RAB30: variants seen among roughly 807,000 people sequenced by gnomAD.
RAB30 encodes the protein RAB30, member RAS oncogene family, also known as ras-related protein Rab-30.
RAB30 carries 9 observed loss-of-function variants against 25.1 expected under a neutral mutation model. The ratio of observed to expected loss-of-function variants is 0.36; its 90% CI spans 0.22 to 0.63. The LOEUF is 0.63. Among genes scored for constraint, RAB30 ranks in the 20% least tolerant of loss-of-function variants. RAB30 has a pLI of 0.69. For missense variants in RAB30, 140 were observed against 243.5 expected, an observed-to-expected ratio of 0.58 and a Z score of 2.83; for synonymous variants, 77 against 86.4, an observed-to-expected ratio of 0.89 and a Z score of 0.60.
intron 1 of RAB30, among the ~76,000 whole-genome samples, chr11:83,057,663 C>A (rs1858484956): frequency 1.3e-5 from 2 of 152,092 alleles, no homozygotes. Context: ...GGACCATTAC[C>A]CCTAGCTTTC....
At chr11:83,017,888 G>C (rs139061308) in intron 1 of RAB30, among the ~76,000 whole-genome samples, 87 of 152,322 alleles carry the variant, frequency 5.7e-4, no homozygotes, top group African/African-American at 2.0e-3. Flanking sequence ...CCTCTGGGTA[G>C]ATACCCAGTA....
In RAB30 at chr11:82,980,791, T is replaced by C. The variant is rs936262449; in HGVS notation, c.*1374A>G. 2.1e-5 allele frequency: 3 copies of C among 145,412 alleles called. No homozygotes were observed. Among genetic ancestry groups the C allele is most frequent in the Admixed American group, 6.9e-5 (1 of 14,428 alleles). 9.0% of individuals were successfully genotyped at this position (145,412 alleles called of 1,614,324 possible). A position where few individuals can be genotyped will look rare whatever the true frequency, so the allele number is the denominator to read the frequency against. ...AAGGCATATACACCTCCATTTGAAT[T>C]GGAGATTTGCAGTAACACAGGCATA... On this transcript the variant is annotated 3_prime_UTR_variant, in exon 5 of 5. Coordinates refer to ENST00000527633, the MANE Select transcript of RAB30 (RefSeq NM_001286060.2).
intron 3 of RAB30, among the ~76,000 whole-genome samples, chr11:82,993,162 T>G (rs1856892529): frequency 6.6e-6 from 1 of 152,230 alleles, no homozygotes; most frequent in Admixed American, 6.5e-5. Flanking sequence ...TTCCATCACC[T>G]TCCTCCTTTC....
chr11:83,070,528 AG>A (rs1225828642), intron 1 of RAB30, among the ~76,000 whole-genome samples: 1 of 152,084 alleles, frequency 6.6e-6, no homozygotes, highest in Non-Finnish European at 1.5e-5. Flanking sequence ...ACATTCCAAG[AG>A]GGGGTGTGGT....
chr11:82,982,209 C>T lies in RAB30; in HGVS notation c.568G>A (p.Glu190Lys), dbSNP rs1312691224. The change falls in exon 5 of 5, where the codon GAA (glutamate) becomes AAA (lysine). Residue 190 changes from glutamate (E) to lysine (K), a missense_variant. Coordinates refer to ENST00000527633, the MANE Select transcript of RAB30 (RefSeq NM_001286060.2). Reference protein sequence around the residue: ...VNNVSSPLPGEGKSISYLTCC... With the variant: ...VNNVSSPLPGKGKSISYLTCC... ...GTCAAATAGCTGATGCTTTTCCCTT[C>T]TCCAGGTAAGGGTGAGGATACATTG... is the stretch of plus-strand genomic sequence containing the variant. 1 of 1,614,240 alleles carries T rather than the reference C, an allele frequency of 6.2e-7. No individual in the cohort carries two copies. The highest frequency in any genetic ancestry group is 8.5e-7 in the Non-Finnish European group (1 of 1,180,038).
intron 1 of RAB30, among the ~76,000 whole-genome samples, chr11:83,054,301 C>T (rs988412296): frequency 4.6e-5 from 7 of 152,186 alleles, no homozygotes; most frequent in Non-Finnish European, 7.4e-5. Flanking sequence ...ATCTCTTTTA[C>T]GTCTCTTTCT....
chr11:83,041,967 G>C (rs1026720675), intron 1 of RAB30, among the ~76,000 whole-genome samples: 1 of 151,074 alleles, frequency 6.6e-6, no homozygotes, highest in Non-Finnish European at 1.5e-5. Flanking sequence ...GCTTGAACCC[G>C]GGAGGTGGAG....
intron 1 of RAB30, among the ~76,000 whole-genome samples, chr11:83,052,998 T>G (rs1312643287): frequency 1.3e-5 from 2 of 152,198 alleles, no homozygotes. Context: ...ATCTACCACC[T>G]CAGAGAGAAG....
chr11:82,994,117 A>G lies in RAB30; in HGVS notation c.99T>C (p.Leu33=). The change falls in exon 3 of 5, where the codon CTT becomes CTC. Residue 33 remains leucine, a synonymous_variant. Coordinates refer to ENST00000527633, the MANE Select transcript of RAB30 (RefSeq NM_001286060.2). The part of the protein sequence containing the change: ...TCLVRRFTQG[L]FPPGQGATIG... ...TTGTGGCTCCTTGACCTGGGGGGAA[A>G]AGACCCTGAAGAAGAAATAATAGAA... The G allele has an allele frequency of 3.1e-6, 5 of 1,600,422 alleles. No homozygotes were observed. Among genetic ancestry groups the G allele is most frequent in the Non-Finnish European group, 2.6e-6 (3 of 1,168,324 alleles).
intron 1 of RAB30, among the ~76,000 whole-genome samples, chr11:83,041,804 C>T (rs1288488686): frequency 6.6e-6 from 1 of 151,926 alleles, no homozygotes; most frequent in Non-Finnish European, 1.5e-5. Flanking sequence ...CTTTAGGAGG[C>T]TGAGCTGGGT....
chr11:83,032,023 C>T (rs12285071), intron 1 of RAB30, among the ~76,000 whole-genome samples: 6 of 152,072 alleles, frequency 3.9e-5, no homozygotes, highest in East Asian at 1.9e-4. Context: ...GCTGAAAGGA[C>T]GCCAAAGAAA....
At chr11:83,049,573 G>A (rs907891876) in intron 1 of RAB30, among the ~76,000 whole-genome samples, 14 of 151,692 alleles carry the variant, frequency 9.2e-5, no homozygotes, top group South Asian at 2.1e-4. Context: ...CTCAACCTGC[G>A]GGGCTCAAGC....
intron 1 of RAB30, among the ~76,000 whole-genome samples, chr11:83,014,699 A>T (rs1857394023): frequency 6.6e-6 from 1 of 151,194 alleles, no homozygotes; most frequent in Non-Finnish European, 1.5e-5. Flanking sequence ...AGAAAGAGAA[A>T]GGAAGGAAGG....
At chr11:83,011,055 T>C (rs550083216) in intron 1 of RAB30, among the ~76,000 whole-genome samples, 1 of 152,200 alleles carries the variant, frequency 6.6e-6, no homozygotes, top group African/African-American at 2.4e-5. Context: ...AAAGTAAAAA[T>C]GTGTTATGCT....
chr11:83,071,593 C>T (rs1362559625), intron 1 of RAB30, 98 bp downstream of exon 1: 1 of 152,216 alleles, frequency 6.6e-6, no homozygotes, highest in Non-Finnish European at 1.5e-5. Flanking sequence ...CAATCCCCCC[C>T]ACCTCCCCAC....
chr11:83,013,214 G>T lies in RAB30; in HGVS notation c.-8-15890C>A, dbSNP rs552131445. On this transcript the variant is annotated intron_variant, in intron 1 of 4. Transcript: ENST00000527633. ...TTCTCCTGCCTCAGCTTCCCTAGTA[G>T]TTGGAATTATAGGCATGCACTACCA... Among the ~76,000 whole-genome samples the T allele has an allele frequency of 2.0e-5, 3 of 152,222 alleles. 1 individual carries two copies. In the South Asian group the frequency reaches 6.2e-4, roughly 32 times the overall value.
chr11:83,046,405 T>C (rs1858234203), intron 1 of RAB30, among the ~76,000 whole-genome samples: 1 of 152,104 alleles, frequency 6.6e-6, no homozygotes, highest in South Asian at 2.1e-4. Context: ...ATTGGTAAAA[T>C]GAAGGGAATC....
intron 1 of RAB30, among the ~76,000 whole-genome samples, chr11:83,031,007 T>C (rs1398957295): frequency 6.6e-6 from 1 of 152,064 alleles, no homozygotes; most frequent in African/African-American, 2.4e-5. Context: ...AAGAGGAGAA[T>C]AGGACACGTA....
At chr11:83,040,364 G>A (rs902352417) in intron 1 of RAB30, among the ~76,000 whole-genome samples, 1 of 151,994 alleles carries the variant, frequency 6.6e-6, no homozygotes, top group African/African-American at 2.4e-5. Flanking sequence ...CGAGTTGGGT[G>A]GATCACCTGA....
Sources: gnomAD v4.1 joint callset for allele counts (sites outside exome capture counted in the v4.1 genomes callset) on GRCh38, gnomAD v4.1.1 for gene constraint, MANE v1.5 for transcripts, NCBI Gene and HGNC (gene_info 2026-07-23, HGNC 2026-07-21) for gene names.